ANKS3: variants seen among roughly 807,000 people sequenced by gnomAD.
The protein encoded by ANKS3 is ankyrin repeat and SAM domain-containing protein 3.
In ANKS3, 62 loss-of-function variants were observed where a neutral mutation model predicts 80.7. The observed-to-expected ratio is 0.77, with a 90% confidence interval of 0.63 to 0.95. The LOEUF (loss-of-function observed/expected upper bound fraction) is 0.95. ANKS3 is among the 40% of genes least tolerant of loss of function. The probability of loss-of-function intolerance (pLI) is 0.00; values close to 1 mark genes in which losing one functional copy is unlikely to be tolerated. For missense variants in ANKS3, 1,150 were observed against 883.6 expected, an observed-to-expected ratio of 1.30 and a Z score of -3.82; for synonymous variants, 489 against 355.3, an observed-to-expected ratio of 1.38 and a Z score of -4.23.
chr16:4,716,646 A>G (rs980070454), intron 6 of ANKS3, among the ~76,000 whole-genome samples: 2 of 151,962 alleles, frequency 1.3e-5, no homozygotes, highest in Non-Finnish European at 2.9e-5. Context: ...GGCCGGGCAC[A>G]GTGGCTCACG....
intron 6 of ANKS3, among the ~76,000 whole-genome samples, chr16:4,716,680 G>T (rs867303561): frequency 6.6e-6 from 1 of 152,020 alleles, no homozygotes; most frequent in Non-Finnish European, 1.5e-5. Flanking sequence ...CACTTTGGGG[G>T]ACCAAGGTGG....
chr16:4,728,007 G>C (rs1183935272), intron 3 of ANKS3: 1 of 152,132 alleles, frequency 6.6e-6, no homozygotes, highest in Non-Finnish European at 1.5e-5. Flanking sequence ...ATAACAACTG[G>C]TGACTGAACC....
At chr16:4,727,307 T>C in intron 3 of ANKS3, 130 bp from the exon 4 acceptor site, 2 of 921,042 alleles carry the variant, frequency 2.2e-6, no homozygotes, top group African/African-American at 1.6e-5. Context: ...CCCTGGACGT[T>C]GTGGGGATTG....
intron 10 of ANKS3, 49 bp from the exon 11 acceptor site, chr16:4,701,183 G>C: frequency 6.2e-7 from 1 of 1,607,914 alleles, no homozygotes; most frequent in Non-Finnish European, 8.5e-7. Context: ...TAACTTGAGA[G>C]CCTTGGTGAA....
rs1335941943 is a variant in ANKS3, at chr16:4,698,482, G to A, written c.1669C>T (p.Leu557=). 1.7e-5 allele frequency: 26 copies of A among 1,549,896 alleles called. No individual in the cohort carries two copies. The highest frequency in any genetic ancestry group is 2.3e-5 in the Non-Finnish European group (26 of 1,155,028). Residue 557 remains leucine (L), a synonymous_variant, in exon 14 of 18, where the codon CTG becomes TTG. Coordinates refer to ENST00000304283, the MANE Select transcript of ANKS3 (RefSeq NM_133450.4). The part of the protein sequence containing the change: ...DRAREDLQAR[L]RETWALARDA... ...CGGGCCAGGGCCCACGTCTCCCGCAGCCGGGCCTGGAGGTCCTCGCGGGCG... is the reference window on the plus strand; with the variant it reads ...CGGGCCAGGGCCCACGTCTCCCGCAACCGGGCCTGGAGGTCCTCGCGGGCG...
At chr16:4,716,360 C>CAA (rs1162795772) in intron 6 of ANKS3, among the ~76,000 whole-genome samples, 1,174 of 48,552 alleles carry the variant, frequency 0.024, 12 homozygotes, top group Non-Finnish European at 0.04. Context: ...GACTCCAACT[C>CAA]AAAAAAAAAA....
chr16:4,699,003 GTT>G, intron 12 of ANKS3, 47 bp downstream of exon 12: 1 of 1,614,096 alleles, frequency 6.2e-7, no homozygotes, highest in Non-Finnish European at 8.5e-7. Context: ...ATGAGTGGGA[GTT>G]TGCCCCAACC....
chr16:4,727,421 C>T (rs1336540417), intron 3 of ANKS3: 1 of 568,972 alleles, frequency 1.8e-6, no homozygotes, highest in African/African-American at 1.9e-5. Flanking sequence ...TAGCCCAAGG[C>T]CAGCTATGCT....
chr16:4,697,294 C>G, intron 16 of ANKS3, 39 bp downstream of exon 16: 1 of 1,575,502 alleles, frequency 6.3e-7, no homozygotes, highest in African/African-American at 1.4e-5. Context: ...CCCTCGGAAA[C>G]AAAAGGAGCG....
intron 11 of ANKS3, chr16:4,700,760 T>C (rs763956087): frequency 2.6e-6 from 2 of 775,196 alleles, no homozygotes; most frequent in Non-Finnish European, 4.6e-6. Context: ...ACAGGTCCTT[T>C]CCGTGGAGAG....
chr16:4,703,218 T>C (rs2080012660), intron 8 of ANKS3, among the ~76,000 whole-genome samples: 1 of 152,146 alleles, frequency 6.6e-6, no homozygotes, highest in Non-Finnish European at 1.5e-5. Flanking sequence ...GCTCAAGCAA[T>C]CCTTCCACCT....
rs1216291572 is a variant in ANKS3 at position 4,730,070 on chromosome 16, T to C, written c.80A>G (p.Gln27Arg). 4 of 1,594,596 alleles carry C rather than the reference T, an allele frequency of 2.5e-6. No homozygotes were observed. The highest frequency in any genetic ancestry group is 3.4e-6 in the Non-Finnish European group (4 of 1,168,964). Residue 27 changes from glutamine (Q) to arginine (R), a missense_variant, in exon 3 of 18, where the codon CAG becomes CGG. Physicochemically the swap from Gln to Arg is conservative, Grantham distance 43 (BLOSUM62 1). Transcript: ENST00000304283. ...GACATCCAGCTCCTCCCCGCTGACC[T>C]GTGTCCCGAGCCCGTGCCACATGGA... ...SLSMWHGLGT[Q>R]VSGEELDVPL...
intron 15 of ANKS3, 112 bp downstream of exon 15, chr16:4,697,864 TG>T: frequency 2.9e-6 from 3 of 1,030,942 alleles, no homozygotes; most frequent in Non-Finnish European, 4.1e-6. Flanking sequence ...CACAGGGACC[TG>T]GGAGAGTGGC....
rs193063984 is a variant in ANKS3 at position 4,704,067 on chromosome 16, C to T, written c.868+1028G>A. The stretch of plus-strand genomic sequence containing the variant: ...TGTCCCAGAGCCAGTGCTCACAGCT[C>T]AGCGGACGGGACACGGGCGGGCCCT... On this transcript the variant is annotated intron_variant, in intron 8 of 17. Transcript: ENST00000304283. Among the ~76,000 whole-genome samples the T allele has an allele frequency of 2.0e-3, 307 of 152,340 alleles. 1 individual carries two copies. The highest frequency in any genetic ancestry group is 7.0e-3 in the African/African-American group (290 of 41,576).
At chr16:4,698,130 C>T (rs559295851) in intron 14 of ANKS3, 68 bp from the exon 15 acceptor site, 1 of 1,493,034 alleles carries the variant, frequency 6.7e-7, no homozygotes, top group East Asian at 2.4e-5. Flanking sequence ...CCACCTCAGA[C>T]CTTCTAGGGG....
At chr16:4,726,309 C>G (rs1378572393) in intron 5 of ANKS3, among the ~76,000 whole-genome samples, 2 of 132,876 alleles carry the variant, frequency 1.5e-5, no homozygotes, top group African/African-American at 5.3e-5. Flanking sequence ...CTCACCTCAT[C>G]CATACAAAAA....
intron 1 of ANKS3, among the ~76,000 whole-genome samples, chr16:4,731,950 A>G (rs1251568393): frequency 6.6e-6 from 1 of 152,204 alleles, no homozygotes; most frequent in East Asian, 1.9e-4. Flanking sequence ...AAAGGCGAAA[A>G]CAAAGGCCTT....
Position 4,698,946 on chromosome 16 carries a change from G to A in ANKS3, c.1410-5C>T, listed in dbSNP as rs757336947. 1.6e-5 allele frequency: 25 copies of A among 1,604,278 alleles called. No homozygotes were observed. The highest frequency in any genetic ancestry group is 4.5e-5 in the East Asian group (2 of 44,710). Reference sequence around the variant, plus strand: ...TTCCTCTTGGGCCCAAACAGCCTGCGGGGGGAATGTGACCAGGATATGCCT... The same window carrying A: ...TTCCTCTTGGGCCCAAACAGCCTGCAGGGGGAATGTGACCAGGATATGCCT... On this transcript the variant is annotated splice_polypyrimidine_tract_variant and splice_region_variant and intron_variant, in intron 12 of 17. Transcript: ENST00000304283.
intron 6 of ANKS3, among the ~76,000 whole-genome samples, chr16:4,723,399 C>T (rs953633212): frequency 1.3e-5 from 2 of 152,194 alleles, no homozygotes; most frequent in Non-Finnish European, 2.9e-5. Context: ...TTGTGTCTGG[C>T]TTCTTTCACT....
Sources: gnomAD v4.1 joint callset for allele counts (sites outside exome capture counted in the v4.1 genomes callset) on GRCh38, gnomAD v4.1.1 for gene constraint, MANE v1.5 for transcripts, NCBI Gene and HGNC (gene_info 2026-07-23, HGNC 2026-07-21) for gene names.